Variants in JAK2 observed in about 807,000 individuals in gnomAD.
The protein encoded by JAK2 is Janus kinase 2.
A neutral mutation model predicts 139.3 loss-of-function variants in JAK2; 86 were observed. The observed-to-expected ratio is 0.62, with a 90% CI of 0.52 to 0.74. JAK2 has a LOEUF of 0.74. Among genes scored for constraint, JAK2 ranks in the 30% least tolerant of loss-of-function variants. The pLI, the probability that JAK2 is intolerant of heterozygous loss-of-function variation, is 0.00. For missense variants in JAK2, 1,421 were observed against 1,360.3 expected, an observed-to-expected ratio of 1.04 and a Z score of -0.70; for synonymous variants, 490 against 437.7, an observed-to-expected ratio of 1.12 and a Z score of -1.49.
intron 4 of JAK2, chr9:5,041,745 A>G (rs1184535273): frequency 2.0e-6 from 1 of 492,168 alleles, no homozygotes; most frequent in African/African-American, 2.0e-5. Flanking sequence ...GGCGACCCCC[A>G]TCAGCAGTGT....
At chr9:4,994,607 C>T (rs535017440) in intron 2 of JAK2, among the ~76,000 whole-genome samples, 85 of 152,282 alleles carry the variant, frequency 5.6e-4, no homozygotes, top group Non-Finnish European at 1.0e-3. Flanking sequence ...TACTCAATTC[C>T]GCCTTTGTGG....
At chr9:5,035,746 T>C (rs1823541566) in intron 4 of JAK2, among the ~76,000 whole-genome samples, 1 of 152,144 alleles carries the variant, frequency 6.6e-6, no homozygotes, top group African/African-American at 2.4e-5. Flanking sequence ...TAATAAGAGC[T>C]ATCTATGACA....
intron 23 of JAK2, among the ~76,000 whole-genome samples, chr9:5,125,690 G>A (rs1167839778): frequency 1.2e-5 from 1 of 82,010 alleles, no homozygotes; most frequent in East Asian, 2.9e-4. Context: ...TTGCCAAGTT[G>A]ATAGGGGAGA....
chr9:5,049,150 G>A (rs554273604), intron 5 of JAK2, among the ~76,000 whole-genome samples: 26 of 151,544 alleles, frequency 1.7e-4, no homozygotes, highest in Non-Finnish European at 3.2e-4. Flanking sequence ...TTATTATTTC[G>A]TATCTGAGCC....
intron 22 of JAK2, among the ~76,000 whole-genome samples, chr9:5,119,023 G>A (rs1032163876): frequency 6.6e-6 from 1 of 152,016 alleles, no homozygotes; most frequent in Non-Finnish European, 1.5e-5. Context: ...ATTCAGAAAA[G>A]TTTGAAAAAA....
At chr9:5,088,674 C>A (rs1820316789) in intron 19 of JAK2, among the ~76,000 whole-genome samples, 1 of 152,132 alleles carries the variant, frequency 6.6e-6, no homozygotes, top group African/African-American at 2.4e-5. Context: ...ATTCCAGGGC[C>A]TGGAAAGTCT....
intron 6 of JAK2, among the ~76,000 whole-genome samples, chr9:5,052,664 C>T (rs1817502641): frequency 1.3e-5 from 2 of 152,058 alleles, no homozygotes; most frequent in Admixed American, 1.3e-4. Flanking sequence ...TTTCCCCCAG[C>T]CTCTGGAAAC....
chr9:5,040,025 A>C (rs1024511960), intron 4 of JAK2, among the ~76,000 whole-genome samples: 7 of 152,212 alleles, frequency 4.6e-5, no homozygotes, highest in Non-Finnish European at 1.0e-4. Context: ...AACAATACAA[A>C]GTTTGAAGAC....
rs972208873 is a variant in JAK2 at position 5,054,507 on chromosome 9, T to G, written c.615-56T>G. On this transcript the variant is annotated intron_variant, in intron 6 of 24. Transcript: ENST00000381652. The surrounding 1 kb of genome is among the most constrained non-coding windows in gnomAD (Gnocchi z 4.9). ...GTAACTTCTTTTTCAATTTTTAGAT[T>G]TATCTTCCAATTTTTGTTTTGTTTT... 6 of 1,408,250 alleles carry G rather than the reference T, an allele frequency of 4.3e-6. No homozygotes were observed. The African/African-American group carries it at 8.6e-5, about 20-fold the overall frequency. The allele number at this position is 1,408,250 out of a possible 1,614,324, so 87.2% of individuals were successfully genotyped here.
chr9:5,049,849 T>C (rs937907045), intron 5 of JAK2, among the ~76,000 whole-genome samples: 3 of 152,248 alleles, frequency 2.0e-5, no homozygotes, highest in Non-Finnish European at 4.4e-5. Flanking sequence ...CAAACTTATA[T>C]AGCATGTTGC....
chr9:5,126,453 ATT>A lies in JAK2; in HGVS notation c.3291+15_3291+16del. 2 of 1,547,728 alleles carry A rather than the reference ATT, an allele frequency of 1.3e-6. No homozygotes were observed. Among genetic ancestry groups the A allele is most frequent in the Non-Finnish European group, 1.8e-6 (2 of 1,128,794 alleles). On this transcript the variant is annotated splice_region_variant and intron_variant, in intron 24 of 24. Transcript: ENST00000381652. The stretch of plus-strand genomic sequence containing the variant: ...AGATGGATGCCCAGATGAGGTAACA[ATT>A]TTTTTTTAATCCAGGGTAGTCATGC...
chr9:5,045,286 C>G (rs953896576), intron 5 of JAK2, among the ~76,000 whole-genome samples: 1 of 152,170 alleles, frequency 6.6e-6, no homozygotes, highest in African/African-American at 2.4e-5. Flanking sequence ...AACAAGCCCA[C>G]AGATCCTCAT....
At chr9:5,055,254 G>A (rs1022685410) in intron 7 of JAK2, among the ~76,000 whole-genome samples, 18 of 152,062 alleles carry the variant, frequency 1.2e-4, no homozygotes, top group Admixed American at 8.5e-4. Context: ...ATATATACCT[G>A]CTAAATAATG....
intron 22 of JAK2, among the ~76,000 whole-genome samples, chr9:5,103,108 TAA>T (rs1368487573): frequency 6.7e-6 from 1 of 150,358 alleles, no homozygotes; most frequent in Middle Eastern, 3.2e-3. Flanking sequence ...GCAAATTGGA[TAA>T]AGATTGAAGA....
At chr9:4,995,000 A>G (rs1327940283) in intron 2 of JAK2, among the ~76,000 whole-genome samples, 1 of 152,196 alleles carries the variant, frequency 6.6e-6, no homozygotes, top group East Asian at 1.9e-4. Context: ...TGCTGATTCA[A>G]AAGTGGTATA....
At chr9:5,107,664 T>C (rs1822076723) in intron 22 of JAK2, among the ~76,000 whole-genome samples, 1 of 152,182 alleles carries the variant, frequency 6.6e-6, no homozygotes, top group Admixed American at 6.5e-5. Context: ...CAACATTATA[T>C]TACCATATAC....
At chr9:5,069,285 G>C in intron 11 of JAK2, 77 bp downstream of exon 11, 1 of 876,452 alleles carries the variant, frequency 1.1e-6, no homozygotes, top group South Asian at 1.9e-5. Context: ...TCAGTACATT[G>C]ATTTCAAAGG....
intron 22 of JAK2, chr9:5,109,728 C>T (rs1822280307): frequency 6.6e-6 from 1 of 152,176 alleles, no homozygotes; most frequent in Non-Finnish European, 1.5e-5. Context: ...AAGCTTTAGA[C>T]TACTTCTCCA....
Position 5,050,864 on chromosome 9 carries a change from T to C in JAK2, c.614+33T>C, listed in dbSNP as rs192178119. 8.1e-4 allele frequency: 1,264 copies of C among 1,553,032 alleles called. 11 individuals carry two copies. In the African/African-American group the frequency reaches 0.015, roughly 18 times the overall value. On this transcript the variant is annotated intron_variant, in intron 6 of 24. Transcript: ENST00000381652. Reference sequence around the variant, plus strand: ...TCTTTTGCAAATCCTTACACATAAGTGTGAGTAGAGATTTTATATAATTCG... The same window carrying C: ...TCTTTTGCAAATCCTTACACATAAGCGTGAGTAGAGATTTTATATAATTCG...
Sources: allele counts gnomAD v4.1 joint callset (sites outside exome capture counted in the v4.1 genomes callset), GRCh38; gene constraint gnomAD v4.1.1; non-coding constraint Gnocchi (gnomAD v3.1); transcripts MANE v1.5; gene names NCBI Gene and HGNC (gene_info 2026-07-23, HGNC 2026-07-21).